Variants in DYSF observed in about 807,000 individuals in gnomAD.
The protein encoded by DYSF is dystrophy-associated fer-1-like 1.
DYSF carries 212 observed loss-of-function variants against 274.9 expected under a neutral mutation model. The observed-to-expected ratio is 0.77, with a 90% CI of 0.69 to 0.86. The LOEUF (loss-of-function observed/expected upper bound fraction) is 0.86. Among genes scored for constraint, DYSF ranks in the 40% least tolerant of loss-of-function variants. The pLI is 0.00. For synonymous variants in DYSF, 1,091 were observed against 1,078.7 expected, an observed-to-expected ratio of 1.01 and a Z score of -0.22; for missense variants, 2,666 against 2,783.2, an observed-to-expected ratio of 0.96 and a Z score of 0.95.
chr2:71,521,091 T>C (rs912510300), intron 12 of DYSF, among the ~76,000 whole-genome samples, 187 bp downstream of exon 12: 10 of 152,206 alleles, frequency 6.6e-5, no homozygotes, highest in Non-Finnish European at 1.2e-4. Context: ...AAGGTATTAA[T>C]AAAAAATGAA....
rs567608997 is a variant in DYSF at position 71,611,474 on chromosome 2, T to C, written c.4069T>C (p.Trp1357Arg). The change falls in exon 38 of 56, where the codon TGG becomes CGG. Residue 1357 changes from tryptophan (W) to arginine (R), a missense_variant. Around this residue, in one of 3 missense-constraint regions of DYSF, gnomAD observed 1,460 missense variants for 1,502.1 expected, o/e 0.97. Coordinates refer to ENST00000410020, the MANE Select transcript of DYSF (RefSeq NM_001130987.2). ...CATTCTGTGTGCTTAGATCCTGGCATGGGGCCTGCGGAACATGAAGAGTTA... is the reference window on the plus strand; with the variant it reads ...CATTCTGTGTGCTTAGATCCTGGCACGGGGCCTGCGGAACATGAAGAGTTA... ...LQRTAIEILA[W>R]GLRNMKSYQL... The C allele has an allele frequency of 2.5e-6, 4 of 1,614,150 alleles. No individual in the cohort carries two copies. The highest frequency in any genetic ancestry group is 1.3e-5 in the African/African-American group (1 of 75,058).
chr2:71,627,063 T>C (rs1201706328), intron 41 of DYSF, among the ~76,000 whole-genome samples: 2 of 151,720 alleles, frequency 1.3e-5, no homozygotes, highest in African/African-American at 4.8e-5. Context: ...ATTTATCAGA[T>C]TTTTTTCAGT....
At chr2:71,612,379 C>G (rs1252437199) in intron 38 of DYSF, among the ~76,000 whole-genome samples, 11 of 152,166 alleles carry the variant, frequency 7.2e-5, no homozygotes, top group Admixed American at 7.2e-4. Context: ...GGAGCGCAGC[C>G]TCGTTTCCAC....
chr2:71,664,590 C>A, intron 46 of DYSF, 152 bp downstream of exon 46: 1 of 885,602 alleles, frequency 1.1e-6, no homozygotes, highest in Non-Finnish European at 1.8e-6. Flanking sequence ...GGAGTCCTAT[C>A]CCCACTCCAC....
intron 53 of DYSF, among the ~76,000 whole-genome samples, chr2:71,680,172 G>A (rs896379474): frequency 1.3e-5 from 2 of 152,138 alleles, no homozygotes; most frequent in Non-Finnish European, 2.9e-5. Context: ...CTCTCTGTGT[G>A]TCAAAATATC....
At chr2:71,482,638 C>A (rs756260186) in intron 3 of DYSF, among the ~76,000 whole-genome samples, 3 of 151,958 alleles carry the variant, frequency 2.0e-5, no homozygotes, top group Admixed American at 1.3e-4. Context: ...GCCTTGTAAA[C>A]GGAGGTGGTG....
intron 14 of DYSF, among the ~76,000 whole-genome samples, 176 bp from the exon 15 acceptor site, chr2:71,534,845 C>G (rs2089145236): frequency 6.6e-6 from 1 of 152,208 alleles, no homozygotes; most frequent in Admixed American, 6.5e-5. Context: ...AGCTTTGTCT[C>G]TGCAAAGATT....
intron 30 of DYSF, among the ~76,000 whole-genome samples, chr2:71,585,563 C>A: frequency 6.6e-6 from 1 of 152,136 alleles, no homozygotes; most frequent in East Asian, 1.9e-4. Flanking sequence ...GATGTCCACA[C>A]CTGAAAACCA....
At chr2:71,625,185 A>T (rs935066570) in intron 41 of DYSF, among the ~76,000 whole-genome samples, 1 of 152,108 alleles carries the variant, frequency 6.6e-6, no homozygotes, top group African/African-American at 2.4e-5. Context: ...TCAATCTGAA[A>T]TTCCTATTAT....
At chr2:71,525,626 A>T (rs1242297332) in intron 12 of DYSF, among the ~76,000 whole-genome samples, 1 of 152,124 alleles carries the variant, frequency 6.6e-6, no homozygotes, top group Non-Finnish European at 1.5e-5. Flanking sequence ...TGCATGTGGG[A>T]TGTGATTTTT....
chr2:71,611,015 C>T (rs1444555135), intron 36 of DYSF: 8 of 590,700 alleles, frequency 1.4e-5, no homozygotes, highest in Non-Finnish European at 2.5e-5. Context: ...AACAAGGTGA[C>T]CTGAACCCTG....
intron 14 of DYSF, 62 bp downstream of exon 14, chr2:71,528,463 G>C: frequency 7.1e-7 from 1 of 1,415,564 alleles, no homozygotes; most frequent in Non-Finnish European, 9.9e-7. Context: ...CCTGTGGACT[G>C]TGCCGGGTGA....
At chr2:71,617,376 C>T (rs774174721) in intron 40 of DYSF, among the ~76,000 whole-genome samples, 1 of 152,208 alleles carries the variant, frequency 6.6e-6, no homozygotes, top group Non-Finnish European at 1.5e-5. Flanking sequence ...CCTGGCCCTG[C>T]AAGTTCACCA....
intron 17 of DYSF, among the ~76,000 whole-genome samples, 177 bp from the exon 18 acceptor site, chr2:71,550,864 G>T (rs941779124): frequency 3.3e-5 from 5 of 152,230 alleles, no homozygotes; most frequent in Non-Finnish European, 5.9e-5. Context: ...GAGACTTAGG[G>T]GAGGGCGTGA....
chr2:71,457,447 A>G (rs1306401902), intron 1 of DYSF, among the ~76,000 whole-genome samples: 2 of 152,080 alleles, frequency 1.3e-5, no homozygotes, highest in Non-Finnish European at 2.9e-5. Flanking sequence ...TCTGCTATCT[A>G]CCTCTGGCTT....
At chr2:71,463,600 A>G (rs1338527422), upstream of DYSF, among the ~76,000 whole-genome samples, 1 of 152,236 alleles carries the variant, frequency 6.6e-6, no homozygotes, top group East Asian at 1.9e-4. Context: ...CAGCAACTCC[A>G]TAGTATCATC....
chr2:71,657,929 G>A (rs1370589304), intron 43 of DYSF, among the ~76,000 whole-genome samples: 1 of 152,160 alleles, frequency 6.6e-6, no homozygotes, highest in African/African-American at 2.4e-5. Flanking sequence ...ATTAACATTA[G>A]GCTCCTTGCT....
At chr2:71,529,542 G>C (rs189711991) in intron 14 of DYSF, among the ~76,000 whole-genome samples, 110 of 152,288 alleles carry the variant, frequency 7.2e-4, no homozygotes, top group African/African-American at 2.6e-3. Flanking sequence ...ATGTCATATG[G>C]CATCACAACA....
intron 41 of DYSF, among the ~76,000 whole-genome samples, chr2:71,624,507 G>C (rs1205356102): frequency 6.6e-6 from 1 of 152,164 alleles, no homozygotes; most frequent in Non-Finnish European, 1.5e-5. Context: ...AACAGGCTCT[G>C]TGGCATGATA....
Sources: gnomAD v4.1 joint callset for allele counts (sites outside exome capture counted in the v4.1 genomes callset) on GRCh38, gnomAD v4.1.1 for gene constraint, gnomAD v4.1.1 regional missense constraint, MANE v1.5 for transcripts, NCBI Gene and HGNC (gene_info 2026-07-23, HGNC 2026-07-21) for gene names.